Variants in CAB39L observed in about 807,000 individuals in gnomAD.
CAB39L encodes the protein calcium binding protein 39 like, also known as calcium-binding protein 39-like.
Under a neutral mutation model 39.1 loss-of-function variants are expected in CAB39L, and 23 were observed. That is an observed-to-expected ratio of 0.59 (90% CI 0.42 to 0.83). The LOEUF is 0.83. Among genes scored for constraint, CAB39L ranks in the 40% least tolerant of loss-of-function variants. CAB39L has a pLI of 0.00. For synonymous variants in CAB39L, 126 were observed against 137.2 expected (o/e 0.92, Z 0.57); for missense variants, 366 against 391.9 (o/e 0.93, Z 0.56).
intron 3 of CAB39L, among the ~76,000 whole-genome samples, chr13:49,386,933 C>T (rs1956377761): frequency 6.6e-6 from 1 of 152,128 alleles, no homozygotes; most frequent in Non-Finnish European, 1.5e-5. Flanking sequence ...GGCGACCATG[C>T]TGGTCACTAT....
At chr13:49,392,621 G>T (rs747627936) in intron 3 of CAB39L, among the ~76,000 whole-genome samples, 1 of 152,024 alleles carries the variant, frequency 6.6e-6, no homozygotes, top group Admixed American at 6.6e-5. Context: ...CAGCCTGGGC[G>T]ACAGAGCAAG....
chr13:49,423,686 C>T (rs991251950), intron 3 of CAB39L, among the ~76,000 whole-genome samples: 3 of 152,210 alleles, frequency 2.0e-5, no homozygotes, highest in Non-Finnish European at 4.4e-5. Flanking sequence ...AAGCAACTCT[C>T]TTCCCATACA....
chr13:49,328,314 T>C (rs914929485), intron 10 of CAB39L, among the ~76,000 whole-genome samples: 4 of 152,222 alleles, frequency 2.6e-5, no homozygotes, highest in African/African-American at 7.2e-5. Context: ...ATCTCATTGA[T>C]ATTTTAATGG....
chr13:49,424,621 G>C (rs1256865701), intron 3 of CAB39L, among the ~76,000 whole-genome samples: 1 of 152,168 alleles, frequency 6.6e-6, no homozygotes, highest in African/African-American at 2.4e-5. Flanking sequence ...ATATGTAACA[G>C]TTAATAAACT....
intron 3 of CAB39L, chr13:49,393,062 T>C (rs1385190819): frequency 6.6e-6 from 1 of 152,122 alleles, no homozygotes; most frequent in African/African-American, 2.4e-5. Context: ...ATCATTACCA[T>C]ATGTTGTGAT....
At chr13:49,392,107 T>TAC (rs113803530) in intron 3 of CAB39L, among the ~76,000 whole-genome samples, 15 of 151,422 alleles carry the variant, frequency 9.9e-5, no homozygotes, top group East Asian at 3.9e-4. Flanking sequence ...TGAGAAATTA[T>TAC]ACACACACAC....
intron 10 of CAB39L, among the ~76,000 whole-genome samples, chr13:49,318,233 G>A (rs1225499724): frequency 6.6e-6 from 1 of 151,684 alleles, no homozygotes; most frequent in African/African-American, 2.4e-5. Context: ...AGGCTAAGGT[G>A]GGAGGATCAC....
rs148707364 is a variant in CAB39L, at chr13:49,310,868, G to A, written c.960C>T (p.Asp320=). The A allele has an allele frequency of 1.6e-5, 26 of 1,614,036 alleles. No homozygotes were observed. Among genetic ancestry groups the A allele is most frequent in the Middle Eastern group, 1.6e-4 (1 of 6,084 alleles). The change falls in exon 11 of 11, where the codon GAC becomes GAT. Residue 320 remains aspartate, a synonymous_variant. Coordinates refer to ENST00000409308, the MANE Select transcript of CAB39L (RefSeq NM_001079670.3). ...TCTGTTTAATCAAGTAGTTCTTCTC[G>A]TCAGCGAACTGCTCATCATCCGTCC... ...KERTDDEQFA[D]EKNYLIKQIR...
chr13:49,437,236 G>A (rs1380181377), intron 1 of CAB39L, among the ~76,000 whole-genome samples: 1 of 152,196 alleles, frequency 6.6e-6, no homozygotes, highest in Non-Finnish European at 1.5e-5. Flanking sequence ...GGATTTCTTA[G>A]TAAATAGTAC....
intron 10 of CAB39L, among the ~76,000 whole-genome samples, chr13:49,315,306 G>A (rs556291335): frequency 5.3e-5 from 8 of 152,132 alleles, no homozygotes; most frequent in South Asian, 2.1e-4. Context: ...TGAGCCCACC[G>A]CTCAGCCAGG....
In CAB39L at chr13:49,310,754, G is replaced by A; in HGVS notation, c.*60C>T. The A allele has an allele frequency of 6.6e-7, 1 of 1,518,694 alleles. No individual in the cohort carries two copies. The highest frequency in any genetic ancestry group is 8.9e-7 in the Non-Finnish European group (1 of 1,120,566). The allele number at this position is 1,518,694 out of a possible 1,614,324, so 94.1% of individuals were successfully genotyped here. ...CCCAAGAATGATGACTTTCTGAAATGACACACTGTACAAACTGGACAAATG... is the reference window on the plus strand; with the variant it reads ...CCCAAGAATGATGACTTTCTGAAATAACACACTGTACAAACTGGACAAATG... On this transcript the variant is annotated 3_prime_UTR_variant, in exon 11 of 11. Coordinates refer to ENST00000409308, the MANE Select transcript of CAB39L (RefSeq NM_001079670.3).
chr13:49,346,952 T>C (rs1326992673), intron 7 of CAB39L, among the ~76,000 whole-genome samples: 1 of 152,090 alleles, frequency 6.6e-6, no homozygotes, highest in Non-Finnish European at 1.5e-5. Context: ...AAACTAACAA[T>C]GTTACAATAT....
intron 3 of CAB39L, among the ~76,000 whole-genome samples, chr13:49,401,767 A>C (rs935425721): frequency 1.3e-5 from 2 of 152,194 alleles, no homozygotes; most frequent in African/African-American, 4.8e-5. Context: ...CTTGTTTAAA[A>C]ATGTAAATAA....
intron 3 of CAB39L, among the ~76,000 whole-genome samples, chr13:49,431,871 A>G (rs1957330983): frequency 6.6e-6 from 1 of 152,104 alleles, no homozygotes. Context: ...GCTAAAAATT[A>G]GAAACAATTC....
At chr13:49,333,000 G>T (rs563287873) in intron 9 of CAB39L, among the ~76,000 whole-genome samples, 1 of 152,168 alleles carries the variant, frequency 6.6e-6, no homozygotes, top group African/African-American at 2.4e-5. Flanking sequence ...GAAGAAAAGC[G>T]CACATCAAAC....
In CAB39L at chr13:49,437,673, T is replaced by C. The variant is rs144492224; in HGVS notation, c.-245-3450A>G. 1.5e-3 allele frequency among the ~76,000 whole-genome samples: 225 copies of C among 152,336 alleles called. 2 individuals are homozygous for C. The highest frequency in any genetic ancestry group is 3.3e-3 in the South Asian group (16 of 4,824). ...CAGTGTTGATTTCCCTGCATGCCCA[T>C]AGACATTTTGCTAGCTATTAATGTA... On this transcript the variant is annotated intron_variant, in intron 1 of 10. Transcript: ENST00000409308.
At chr13:49,403,699 T>A (rs2146397) in intron 3 of CAB39L, among the ~76,000 whole-genome samples, 5,570 of 152,152 alleles carry the variant, frequency 0.037, 148 homozygotes, top group East Asian at 0.13. Flanking sequence ...AAACATTTAT[T>A]CTGTTTCATG....
Position 49,376,971 on chromosome 13 carries a change from A to T in CAB39L, c.272T>A (p.Phe91Tyr). The T allele has an allele frequency of 1.2e-6, 2 of 1,606,550 alleles. No homozygotes were observed. Among genetic ancestry groups the T allele is most frequent in the Non-Finnish European group, 1.7e-6 (2 of 1,175,982 alleles). ...TLIADLQLID[F>Y]EGKKDVTQIF... ...ATCCTTTTACAGCTGGCTTACCTCA[A>T]AGTCTATCAGCTGCAGGTCAGCTAT... The change falls in exon 5 of 11, where the codon TTT becomes TAT. Residue 91 changes from phenylalanine to tyrosine, a missense_variant. Transcript: ENST00000409308.
chr13:49,384,080 T>A (rs1035827271), intron 3 of CAB39L, among the ~76,000 whole-genome samples: 2 of 152,238 alleles, frequency 1.3e-5, no homozygotes, highest in Non-Finnish European at 2.9e-5. Flanking sequence ...ATGCAGTTTG[T>A]TAGCATTTTA....
Sources: allele counts gnomAD v4.1 joint callset (sites outside exome capture counted in the v4.1 genomes callset), GRCh38; gene constraint gnomAD v4.1.1; transcripts MANE v1.5; gene names NCBI Gene and HGNC (gene_info 2026-07-23, HGNC 2026-07-21).